Variants in ZFPM2 observed in about 807,000 individuals in gnomAD.
The protein encoded by ZFPM2 is zinc finger protein, FOG family member 2.
Under a neutral mutation model 98.6 loss-of-function variants are expected in ZFPM2, and 20 were observed. That is an observed-to-expected ratio of 0.20 (90% CI 0.14 to 0.29). The LOEUF (loss-of-function observed/expected upper bound fraction) is 0.29, where lower values mean the gene tolerates loss of function less well. Ranked by LOEUF, ZFPM2 falls within the 10% of genes least tolerant of loss-of-function variation. ZFPM2 has a pLI of 1.00. For synonymous variants in ZFPM2, 518 were observed against 502.7 expected, an observed-to-expected ratio of 1.03 and a Z score of -0.41; for missense variants, 1,310 against 1,388.6, an observed-to-expected ratio of 0.94 and a Z score of 0.90.
intron 3 of ZFPM2, among the ~76,000 whole-genome samples, chr8:105,522,954 C>A (rs768876990): frequency 1.3e-5 from 2 of 152,114 alleles, no homozygotes; most frequent in Admixed American, 6.6e-5. Flanking sequence ...GGCTATCATA[C>A]ATTAGGCACT....
At chr8:105,746,965 T>C in intron 5 of ZFPM2, among the ~76,000 whole-genome samples, 1 of 152,152 alleles carries the variant, frequency 6.6e-6, no homozygotes, top group Middle Eastern at 3.4e-3. Context: ...TCCTCTGAAA[T>C]ATATGGGTGC....
intron 1 of ZFPM2, among the ~76,000 whole-genome samples, chr8:105,408,699 G>A (rs868219266): frequency 6.6e-6 from 1 of 151,420 alleles, no homozygotes; most frequent in African/African-American, 2.4e-5. Flanking sequence ...TTTTCTGGCT[G>A]TGCAAAGAAC....
chr8:105,776,739 T>C (rs1012757107), intron 5 of ZFPM2, among the ~76,000 whole-genome samples: 58 of 152,332 alleles, frequency 3.8e-4, no homozygotes, highest in Non-Finnish European at 3.8e-4. Flanking sequence ...ACTATTTATA[T>C]GCTTTTATTT....
At chr8:105,371,878 A>C (rs1037630447) in intron 1 of ZFPM2, among the ~76,000 whole-genome samples, 13 of 152,060 alleles carry the variant, frequency 8.5e-5, no homozygotes, top group African/African-American at 3.1e-4. Context: ...AATTAGTGAA[A>C]TATACTCTGG....
At chr8:105,705,311 A>G (rs1382326311) in intron 5 of ZFPM2, among the ~76,000 whole-genome samples, 1 of 152,310 alleles carries the variant, frequency 6.6e-6, no homozygotes, top group South Asian at 2.1e-4. Flanking sequence ...AGACTGTTTT[A>G]TACTTCAAAA....
In ZFPM2 at chr8:105,719,760, A is replaced by G. The variant is rs759762204; in HGVS notation, c.533-68958A>G. Among the ~76,000 whole-genome samples the G allele has an allele frequency of 5.3e-5, 8 of 151,940 alleles. No individual in the cohort carries two copies. In the East Asian group the frequency reaches 5.8e-4, roughly 11 times the overall value. The stretch of plus-strand genomic sequence containing the variant: ...TTAGTATTAGTCTTTACACCTTTCA[A>G]TGTCCACGACTGCCTATGTAAGATC... On this transcript the variant is annotated intron_variant, in intron 5 of 7. Transcript: ENST00000407775.
At chr8:105,417,914 C>T (rs1484520700) in intron 1 of ZFPM2, among the ~76,000 whole-genome samples, 3 of 152,106 alleles carry the variant, frequency 2.0e-5, no homozygotes, top group East Asian at 1.9e-4. Context: ...GACAAAGAGA[C>T]TCTGTAAGAA....
At chr8:105,404,672 C>T (rs1268274636) in intron 1 of ZFPM2, among the ~76,000 whole-genome samples, 1 of 152,088 alleles carries the variant, frequency 6.6e-6, no homozygotes, top group Non-Finnish European at 1.5e-5. Context: ...CATACATACA[C>T]ATACACTTTG....
At chr8:105,795,762 A>ACTT in intron 6 of ZFPM2, 1 of 471,080 alleles carries the variant, frequency 2.1e-6, no homozygotes, top group Non-Finnish European at 4.2e-6. Context: ...ACAGAATGAC[A>ACTT]CTTCATATGA....
chr8:105,418,920 T>C (rs1811737263), intron 1 of ZFPM2: 1 of 594,908 alleles, frequency 1.7e-6, no homozygotes, highest in Admixed American at 2.9e-5. Context: ...CAGGTTGCTT[T>C]CTGTGTTATA....
At chr8:105,664,625 G>A (rs184052448) in intron 5 of ZFPM2, among the ~76,000 whole-genome samples, 30 of 152,216 alleles carry the variant, frequency 2.0e-4, no homozygotes, top group Admixed American at 1.4e-3. Context: ...AAGAGCCACC[G>A]CACCTGGCCA....
intron 5 of ZFPM2, among the ~76,000 whole-genome samples, chr8:105,669,248 G>T (rs150446288): frequency 6.6e-6 from 1 of 151,818 alleles, no homozygotes; most frequent in African/African-American, 2.4e-5. Context: ...ACATATATAC[G>T]TAATGTCTTG....
intron 5 of ZFPM2, chr8:105,737,560 A>C (rs1166930453): frequency 6.6e-6 from 1 of 152,174 alleles, no homozygotes; most frequent in East Asian, 1.9e-4. Flanking sequence ...TATCACCTCA[A>C]TCTGTTCCGA....
chr8:105,550,038 G>A lies in ZFPM2; in HGVS notation c.302-11325G>A, dbSNP rs561917543. 2.0e-5 allele frequency among the ~76,000 whole-genome samples: 3 copies of A among 152,260 alleles called. No homozygotes were observed. The East Asian group carries it at 5.8e-4, about 29-fold the overall frequency. ...TGAAAGTCTGATTATCAGGTGGAGA[G>A]AGGGGACTTCATTGTCTTAAACCAA... On this transcript the variant is annotated intron_variant, in intron 3 of 7. Coordinates refer to ENST00000407775, the MANE Select transcript of ZFPM2 (RefSeq NM_012082.4).
At chr8:105,342,301 C>A (rs1586303425) in intron 1 of ZFPM2, among the ~76,000 whole-genome samples, 1 of 151,774 alleles carries the variant, frequency 6.6e-6, no homozygotes, top group Middle Eastern at 3.4e-3. Flanking sequence ...CAGATTCAGC[C>A]CACAAGGATT....
rs569251504 is a variant in ZFPM2, at chr8:105,500,005, G to C, written c.301+55624G>C. Among the ~76,000 whole-genome samples the C allele has an allele frequency of 1.1e-4, 17 of 152,196 alleles. No individual in the cohort carries two copies. In the East Asian group the frequency reaches 3.3e-3, roughly 29 times the overall value. On this transcript the variant is annotated intron_variant, in intron 3 of 7. Coordinates refer to ENST00000407775, the MANE Select transcript of ZFPM2 (RefSeq NM_012082.4). ...AATAATCTTGGATACGTTTTGTTTCGCATTTTGGTGAAACAGTTACTTGTC... is the reference window on the plus strand; with the variant it reads ...AATAATCTTGGATACGTTTTGTTTCCCATTTTGGTGAAACAGTTACTTGTC...
Position 105,803,135 on chromosome 8 carries a change from A to G in ZFPM2, c.3053A>G (p.Gln1018Arg), listed in dbSNP as rs767262925. 1 of 1,613,970 alleles carries G rather than the reference A, an allele frequency of 6.2e-7. No homozygotes were observed. Among genetic ancestry groups the G allele is most frequent in the East Asian group, 2.2e-5 (1 of 44,880 alleles). ...RNAENESPKG[Q>R]ASSNGCAALK... ...GCAGAAAATGAATCTCCTAAAGGCC[A>G]GGCTTCCTCAAATGGGTGTGCTGCG... Residue 1018 changes from glutamine (Q) to arginine (R), a missense_variant, in exon 8 of 8, where the codon CAG (glutamine) becomes CGG (arginine). By Grantham distance (43) the Gln-to-Arg change is conservative. Transcript: ENST00000407775.
chr8:105,717,798 A>G (rs975493819), intron 5 of ZFPM2, among the ~76,000 whole-genome samples: 1 of 151,878 alleles, frequency 6.6e-6, no homozygotes, highest in Admixed American at 6.6e-5. Flanking sequence ...TCATTGCACC[A>G]TCTTGTCACA....
At chr8:105,464,661 T>C (rs1462610843) in intron 3 of ZFPM2, among the ~76,000 whole-genome samples, 2 of 151,832 alleles carry the variant, frequency 1.3e-5, no homozygotes, top group Non-Finnish European at 2.9e-5. Flanking sequence ...ATTATAGAAA[T>C]CCATGTAACA....
Sources: allele counts gnomAD v4.1 joint callset (sites outside exome capture counted in the v4.1 genomes callset), GRCh38; gene constraint gnomAD v4.1.1; transcripts MANE v1.5; gene names NCBI Gene and HGNC (gene_info 2026-07-23, HGNC 2026-07-21).